Variants in MYBPC1 observed in about 807,000 individuals in gnomAD.
MYBPC1 encodes the protein myosin binding protein C1, also known as myosin-binding protein C, slow-type.
Under a neutral mutation model 147.1 loss-of-function variants are expected in MYBPC1, and 52 were observed. The ratio of observed to expected loss-of-function variants is 0.35; its 90% CI spans 0.28 to 0.45. The LOEUF is 0.45. Ranked by LOEUF, MYBPC1 falls within the 20% of genes least tolerant of loss-of-function variation. The pLI is 1.00. For missense variants in MYBPC1, 1,228 were observed against 1,440.3 expected (o/e 0.85, Z 2.39); for synonymous variants, 477 against 475.9 (o/e 1.00, Z -0.03).
At chr12:101,617,170 C>G in intron 2 of MYBPC1, 32 bp from the exon 3 acceptor site, 1 of 1,612,238 alleles carries the variant, frequency 6.2e-7, no homozygotes, top group Non-Finnish European at 8.5e-7. Flanking sequence ...CTTTAAGGCA[C>G]TTTAAAAAAT....
At chr12:101,604,380 A>G (rs1483438069) in intron 1 of MYBPC1, among the ~76,000 whole-genome samples, 1 of 152,246 alleles carries the variant, frequency 6.6e-6, no homozygotes, top group African/African-American at 2.4e-5. Flanking sequence ...ATCAAGGTAC[A>G]ATTAGACTTC....
intron 7 of MYBPC1, 94 bp downstream of exon 7, chr12:101,631,813 A>T: frequency 6.4e-7 from 1 of 1,566,954 alleles, no homozygotes. Flanking sequence ...GAGAGACTTC[A>T]GTTCCAGAAA....
Position 101,663,416 on chromosome 12 carries a change from T to C in MYBPC1, c.2222-10T>C, listed in dbSNP as rs143504051. 1.1e-5 allele frequency: 18 copies of C among 1,611,878 alleles called. No individual in the cohort carries two copies. Among genetic ancestry groups the C allele is most frequent in the Admixed American group, 1.7e-5 (1 of 60,022 alleles). On this transcript the variant is annotated splice_polypyrimidine_tract_variant and intron_variant, in intron 21 of 31. Transcript: ENST00000361466. ...ATAGTTTATTCTTTTCTGTCTCTTTTATCTTTAAGCTGTAACAAGCCCTCC... is the reference window on the plus strand; with the variant it reads ...ATAGTTTATTCTTTTCTGTCTCTTTCATCTTTAAGCTGTAACAAGCCCTCC...
chr12:101,631,510 T>A (rs1035911065), intron 6 of MYBPC1, 61 bp from the exon 7 acceptor site: 9 of 1,588,498 alleles, frequency 5.7e-6, no homozygotes, highest in Non-Finnish European at 7.8e-6. Flanking sequence ...CTCCTTCCAG[T>A]TGAAAGCAAA....
chr12:101,691,341 G>A, the MYBPC1 span, among the ~76,000 whole-genome samples: 1 of 152,158 alleles, frequency 6.6e-6, no homozygotes, highest in African/African-American at 2.4e-5. Flanking sequence ...GAAAGTGCTG[G>A]GATTACAGGT....
intron 31 of MYBPC1, 137 bp downstream of exon 31, chr12:101,684,561 A>G: frequency 1.5e-6 from 1 of 685,706 alleles, no homozygotes; most frequent in Non-Finnish European, 2.5e-6. Flanking sequence ...TTGTAGTTTT[A>G]ATTTGTATTT....
At chr12:101,634,745 T>C (rs983834932) in intron 9 of MYBPC1, 140 bp downstream of exon 9, 27 of 723,398 alleles carry the variant, frequency 3.7e-5, no homozygotes, top group Admixed American at 3.6e-4. Context: ...TATTTAAACA[T>C]TGGTGTTCTA....
intron 22 of MYBPC1, among the ~76,000 whole-genome samples, chr12:101,665,200 T>C (rs1008163897): frequency 3.3e-5 from 5 of 152,192 alleles, no homozygotes; most frequent in African/African-American, 1.2e-4. Flanking sequence ...TATATACATA[T>C]GTATATGTAC....
intron 1 of MYBPC1, among the ~76,000 whole-genome samples, chr12:101,609,016 C>G (rs1040565559): frequency 1.3e-5 from 2 of 152,006 alleles, no homozygotes; most frequent in African/African-American, 2.4e-5. Context: ...GGAGGAACAG[C>G]CTGCCAGTCA....
In MYBPC1 at chr12:101,627,794, A is replaced by G; in HGVS notation, c.168A>G (p.Arg56=). 1 of 1,613,932 alleles carries G rather than the reference A, an allele frequency of 6.2e-7. No individual in the cohort carries two copies. Among genetic ancestry groups the G allele is most frequent in the Admixed American group, 1.7e-5 (1 of 60,016 alleles). The change falls in exon 5 of 32, where the codon AGA becomes AGG. Residue 56 remains arginine (R), a synonymous_variant. Transcript: ENST00000361466. Reference sequence around the variant, plus strand: ...GTTTGGGTAGTCGGGCCCTGGAGAGAAAAGATTCAGGTGAGCGCAAGCCCA... The same window carrying G: ...GTTTGGGTAGTCGGGCCCTGGAGAGGAAAGATTCAGGTGAGCGCAAGCCCA... ...PPGLGSRALE[R]KDSDWTLVET... is the part of the protein sequence containing the mutation.
At chr12:101,670,475 G>A in intron 24 of MYBPC1, 66 bp downstream of exon 24, 2 of 1,316,450 alleles carry the variant, frequency 1.5e-6, no homozygotes, top group Non-Finnish European at 1.1e-6. Context: ...GTGGGAAGAG[G>A]TACTCTAGCA....
intron 26 of MYBPC1, among the ~76,000 whole-genome samples, chr12:101,676,920 G>C (rs1041325825): frequency 4.6e-5 from 7 of 152,034 alleles, no homozygotes; most frequent in African/African-American, 1.4e-4. Context: ...TAGACAGGTA[G>C]ATAAATAGAT....
At chr12:101,669,770 C>G (rs1236522279) in intron 23 of MYBPC1, among the ~76,000 whole-genome samples, 1 of 151,884 alleles carries the variant, frequency 6.6e-6, no homozygotes, top group Non-Finnish European at 1.5e-5. Flanking sequence ...AATCCCATCT[C>G]TACTAAAAAT....
chr12:101,618,693 C>A (rs1436603242), intron 3 of MYBPC1, among the ~76,000 whole-genome samples: 1 of 152,086 alleles, frequency 6.6e-6, no homozygotes, highest in Non-Finnish European at 1.5e-5. Flanking sequence ...TTAAAGTCAA[C>A]CAACCAACAA....
intron 3 of MYBPC1, among the ~76,000 whole-genome samples, chr12:101,623,664 C>T (rs189043315): frequency 2.4e-4 from 37 of 152,264 alleles, no homozygotes; most frequent in African/African-American, 7.7e-4. Context: ...CTTTCTAGGA[C>T]TTGATTGAAT....
At chr12:101,687,472 A>C (rs1951368184), downstream of MYBPC1, among the ~76,000 whole-genome samples, 1 of 152,130 alleles carries the variant, frequency 6.6e-6, no homozygotes, top group Admixed American at 6.6e-5. Flanking sequence ...CCAGTCTATC[A>C]TTGTTGGGCG....
At chr12:101,694,759 CT>C in the MYBPC1 span, among the ~76,000 whole-genome samples, 84 of 149,798 alleles carry the variant, frequency 5.6e-4, no homozygotes, top group Non-Finnish European at 1.1e-3. Flanking sequence ...AATACATCTG[CT>C]TTTTTTTTTC....
downstream of MYBPC1, among the ~76,000 whole-genome samples, chr12:101,688,394 G>A (rs1007189551): frequency 1.6e-4 from 24 of 151,982 alleles, no homozygotes; most frequent in African/African-American, 5.8e-4. Flanking sequence ...ACTCCAGCCT[G>A]GGCAACAAAG....
the MYBPC1 span, among the ~76,000 whole-genome samples, chr12:101,692,378 A>G: frequency 6.6e-6 from 1 of 152,234 alleles, no homozygotes; most frequent in Admixed American, 6.5e-5. Context: ...AGTACCCACT[A>G]AAGTCCTATA....
Sources: gnomAD v4.1 joint callset for allele counts (sites outside exome capture counted in the v4.1 genomes callset) on GRCh38, gnomAD v4.1.1 for gene constraint, MANE v1.5 for transcripts, NCBI Gene and HGNC (gene_info 2026-07-23, HGNC 2026-07-21) for gene names.